PARD3B: variants seen among roughly 807,000 people sequenced by gnomAD.
PARD3B encodes the protein par-3 family cell polarity regulator beta, also known as partitioning defective 3 homolog B.
PARD3B carries 103 observed loss-of-function variants against 130.2 expected under a neutral mutation model. The ratio of observed to expected loss-of-function variants is 0.79; its 90% CI spans 0.67 to 0.93. The LOEUF (loss-of-function observed/expected upper bound fraction) is 0.93, where lower values mean the gene tolerates loss of function less well. Ranked by LOEUF, PARD3B falls within the 40% of genes least tolerant of loss-of-function variation. The pLI is 0.00. For synonymous variants in PARD3B, 583 were observed against 553.2 expected, an observed-to-expected ratio of 1.05 and a Z score of -0.76; for missense variants, 1,609 against 1,499.2, an observed-to-expected ratio of 1.07 and a Z score of -1.21.
At chr2:205,228,389 G>C (rs2038670898) in intron 15 of PARD3B, among the ~76,000 whole-genome samples, 1 of 152,100 alleles carries the variant, frequency 6.6e-6, no homozygotes, top group Non-Finnish European at 1.5e-5. Context: ...AGAATAAAAA[G>C]CGTTCTTTTT....
chr2:204,737,051 A>C (rs1359786410), intron 2 of PARD3B, among the ~76,000 whole-genome samples: 1 of 152,178 alleles, frequency 6.6e-6, no homozygotes. Context: ...GGTTTAAGTG[A>C]TTCTCCTGCT....
chr2:205,524,384 G>A (rs1448896631), intron 21 of PARD3B, among the ~76,000 whole-genome samples: 1 of 152,120 alleles, frequency 6.6e-6, no homozygotes, highest in Admixed American at 6.5e-5. Flanking sequence ...CTCCTGTTTA[G>A]AAGTTCAGCA....
Position 205,015,249 on chromosome 2 carries a change from T to C in PARD3B, c.395-32332T>C, listed in dbSNP as rs959641224. Among the ~76,000 whole-genome samples, 1 of 152,162 alleles carries C rather than the reference T, an allele frequency of 6.6e-6. No homozygotes were observed. Among genetic ancestry groups the C allele is most frequent in the South Asian group, 2.1e-4 (1 of 4,830 alleles). ...AGGAAATCATAAGGAAGACAAAATATATTTACTATTCATTAAATGGAAGTA... is the reference window on the plus strand; with the variant it reads ...AGGAAATCATAAGGAAGACAAAATACATTTACTATTCATTAAATGGAAGTA... On this transcript the variant is annotated intron_variant, in intron 3 of 22. Transcript: ENST00000406610. The surrounding 1 kb of genome is among the most constrained non-coding windows in gnomAD (Gnocchi z 4.5).
intron 2 of PARD3B, among the ~76,000 whole-genome samples, chr2:204,840,371 A>G (rs1269571052): frequency 2.0e-5 from 3 of 152,182 alleles, no homozygotes. Flanking sequence ...TAAAATTAAT[A>G]GAAAGTGGGG....
chr2:204,800,002 T>C (rs977631766), intron 2 of PARD3B, among the ~76,000 whole-genome samples: 4 of 152,138 alleles, frequency 2.6e-5, no homozygotes, highest in Non-Finnish European at 5.9e-5. Context: ...ATCAAGGCCA[T>C]CTACAAAAAC....
chr2:204,926,261 A>C (rs563288403), intron 2 of PARD3B, among the ~76,000 whole-genome samples: 89 of 152,216 alleles, frequency 5.8e-4, no homozygotes, highest in African/African-American at 2.0e-3. Context: ...TGGACAAATA[A>C]ATGTTGAGAA....
rs80146064 is a variant in PARD3B, at chr2:204,615,361, T to C, written c.120+69242T>C. Among the ~76,000 whole-genome samples, 72 of 152,318 alleles carry C rather than the reference T, an allele frequency of 4.7e-4. 1 individual carries two copies. In the East Asian group the frequency reaches 0.011, roughly 24 times the overall value. On this transcript the variant is annotated intron_variant, in intron 1 of 22. Transcript: ENST00000406610. ...TTGTCTGTCTTGTCCTTTGAATGCC[T>C]CTTTTATACATGAATGAGTTTGTAA... is the stretch of plus-strand genomic sequence containing the variant.
Position 205,300,384 on chromosome 2 carries a change from G to A in PARD3B, c.2186-146G>A, listed in dbSNP as rs2041950805. The A allele has an allele frequency of 1.4e-6, 1 of 691,730 alleles. No homozygotes were observed. 42.8% of individuals were successfully genotyped at this position (691,730 alleles called of 1,614,324 possible). On this transcript the variant is annotated intron_variant, in intron 16 of 22. Coordinates refer to ENST00000406610, the MANE Select transcript of PARD3B (RefSeq NM_001302769.2). This position sits in a 1 kb window ranked among gnomAD's most constrained non-coding sequence, Gnocchi z 4.1. ...AAACCACTTGTTCAAGGTTACAAAA[G>A]GTGGCAAAGCTGGAGTATAACCCCA...
chr2:205,609,692 C>T (rs2055158559), intron 22 of PARD3B, among the ~76,000 whole-genome samples: 1 of 152,196 alleles, frequency 6.6e-6, no homozygotes, highest in African/African-American at 2.4e-5. Flanking sequence ...ACATTCACAC[C>T]TCTGCTCATA....
At chr2:204,847,995 G>A (rs540287743) in intron 2 of PARD3B, among the ~76,000 whole-genome samples, 9 of 152,234 alleles carry the variant, frequency 5.9e-5, no homozygotes, top group Admixed American at 4.6e-4. Context: ...ATCTGATCAC[G>A]TAGGTATTCT....
chr2:204,785,352 C>A (rs1022649981), intron 2 of PARD3B, among the ~76,000 whole-genome samples: 3 of 152,126 alleles, frequency 2.0e-5, no homozygotes, highest in African/African-American at 7.2e-5. Context: ...TTTCCCCCAG[C>A]CCCTCCTTTA....
At chr2:205,202,925 G>A (rs1165391989) in intron 15 of PARD3B, among the ~76,000 whole-genome samples, 1 of 152,088 alleles carries the variant, frequency 6.6e-6, no homozygotes, top group African/African-American at 2.4e-5. Flanking sequence ...GAAATGCTGG[G>A]AGAAAAGTTA....
chr2:205,495,103 T>C (rs779661420), intron 20 of PARD3B, among the ~76,000 whole-genome samples: 18 of 152,138 alleles, frequency 1.2e-4, no homozygotes, highest in Admixed American at 2.0e-4. Context: ...AGTGTGATGT[T>C]TATGACATGT....
chr2:204,707,203 C>T (rs2038209106), intron 2 of PARD3B, among the ~76,000 whole-genome samples: 1 of 152,140 alleles, frequency 6.6e-6, no homozygotes, highest in Admixed American at 6.5e-5. Context: ...TGCCCAGCAA[C>T]CTGAATGGAA....
intron 1 of PARD3B, 39 bp downstream of exon 1, chr2:204,546,158 A>G (rs552417925): frequency 2.3e-4 from 353 of 1,548,630 alleles, no homozygotes; most frequent in Non-Finnish European, 3.0e-4. Context: ...GGCTGCAGCC[A>G]AGGCACCTGC....
chr2:205,479,298 A>C (rs1310209003), intron 20 of PARD3B, among the ~76,000 whole-genome samples: 1 of 152,120 alleles, frequency 6.6e-6, no homozygotes, highest in Non-Finnish European at 1.5e-5. Context: ...CTTTCTTATT[A>C]TCACCTCCCA....
At chr2:205,246,425 G>A (rs559357953) in intron 16 of PARD3B, among the ~76,000 whole-genome samples, 1 of 152,056 alleles carries the variant, frequency 6.6e-6, no homozygotes, top group South Asian at 2.1e-4. Context: ...TTTTTTCATT[G>A]CCAAGTCGAC....
chr2:205,556,569 C>T (rs2052894036), intron 22 of PARD3B, among the ~76,000 whole-genome samples: 1 of 152,206 alleles, frequency 6.6e-6, no homozygotes, highest in African/African-American at 2.4e-5. Context: ...AAGGGCTAAG[C>T]CATGTTAAGT....
At chr2:204,573,134 C>T (rs140836181) in intron 1 of PARD3B, among the ~76,000 whole-genome samples, 117 of 152,252 alleles carry the variant, frequency 7.7e-4, no homozygotes, top group African/African-American at 2.7e-3. Flanking sequence ...ACCCTGAGTC[C>T]GGCTGTATCT....
Sources: gnomAD v4.1 joint callset for allele counts (sites outside exome capture counted in the v4.1 genomes callset) on GRCh38, gnomAD v4.1.1 for gene constraint, Gnocchi (gnomAD v3.1) non-coding constraint, MANE v1.5 for transcripts, NCBI Gene and HGNC (gene_info 2026-07-23, HGNC 2026-07-21) for gene names.